The following NEK5 variants were observed in gnomAD, a reference collection of about 807,000 sequenced individuals.
NEK5 encodes the protein serine/threonine-protein kinase Nek5.
Under a neutral mutation model 109.2 loss-of-function variants are expected in NEK5, and 88 were observed. The observed-to-expected ratio is 0.81, with a 90% CI of 0.68 to 0.96. The LOEUF is 0.96. Ranked by LOEUF, NEK5 falls within the 40% of genes least tolerant of loss-of-function variation. NEK5 has a pLI of 0.00. For synonymous variants in NEK5, 283 were observed against 299.9 expected, an observed-to-expected ratio of 0.94 and a Z score of 0.58; for missense variants, 834 against 920.7, an observed-to-expected ratio of 0.91 and a Z score of 1.22.
intron 9 of NEK5, among the ~76,000 whole-genome samples, chr13:52,103,680 T>A (rs763107792): frequency 7.9e-5 from 12 of 152,222 alleles, no homozygotes; most frequent in Non-Finnish European, 1.6e-4. Flanking sequence ...TGGTTTATGC[T>A]GAACACGGGC....
At chr13:52,048,904 G>T (rs1326232275) in intron 23 of NEK5, among the ~76,000 whole-genome samples, 1 of 152,100 alleles carries the variant, frequency 6.6e-6, no homozygotes, top group Non-Finnish European at 1.5e-5. Flanking sequence ...AATTTCAGAA[G>T]ATCTATGGTA....
At chr13:52,100,347 C>T (rs1197814412) in intron 11 of NEK5, among the ~76,000 whole-genome samples, 3 of 152,104 alleles carry the variant, frequency 2.0e-5, no homozygotes, top group African/African-American at 7.2e-5. Context: ...CTGCAACCTT[C>T]ACCTCCCGAG....
At chr13:52,055,134 G>A (rs370186272) in intron 22 of NEK5, among the ~76,000 whole-genome samples, 9 of 152,226 alleles carry the variant, frequency 5.9e-5, no homozygotes, top group Admixed American at 5.9e-4. Context: ...ACCAAGGCTC[G>A]AGAACTACGT....
In NEK5 at chr13:52,127,458, C is replaced by A; in HGVS notation, c.25G>T (p.Ala9Ser). 1 of 1,609,326 alleles carries A rather than the reference C, an allele frequency of 6.2e-7. No individual in the cohort carries two copies. The highest frequency in any genetic ancestry group is 1.7e-4 in the Middle Eastern group (1 of 6,060). Residue 9 changes from alanine (A) to serine (S), a missense_variant, in exon 3 of 24, where the codon GCC becomes TCC. Ala to Ser is a moderately conservative substitution (Grantham distance 99). Coordinates refer to ENST00000684899, the MANE Select transcript of NEK5 (RefSeq NM_001365552.1). MDKYDVIK[A>S]IGQGAFGKAY... ...TTCCCGAAGGCACCTTGCCCGATGG[C>A]CTTAATCACATCGTACTTATCCATG...
chr13:52,054,677 C>T (rs940224173), intron 22 of NEK5, among the ~76,000 whole-genome samples: 56 of 150,372 alleles, frequency 3.7e-4, no homozygotes, highest in African/African-American at 1.4e-3. Context: ...AGGCACCCCC[C>T]AGCAGGGGCA....
chr13:52,040,081 CT>C (rs59617490), intron 23 of NEK5, among the ~76,000 whole-genome samples: 5,303 of 120,312 alleles, frequency 0.044, 106 homozygotes, highest in Admixed American at 0.097. Flanking sequence ...TCTACTGGCA[CT>C]TTTTTTTTTT....
intron 20 of NEK5, among the ~76,000 whole-genome samples, chr13:52,068,843 C>T (rs377148376): frequency 7.2e-5 from 11 of 151,884 alleles, no homozygotes; most frequent in South Asian, 2.1e-4. Context: ...CGTGGTGGCG[C>T]GCACCTATGC....
At chr13:52,109,218 C>T (rs1375998796) in intron 7 of NEK5, among the ~76,000 whole-genome samples, 2 of 152,106 alleles carry the variant, frequency 1.3e-5, no homozygotes, top group Admixed American at 1.3e-4. Context: ...AAGGACATTC[C>T]AAAGTTAACC....
intron 13 of NEK5, among the ~76,000 whole-genome samples, 192 bp from the exon 14 acceptor site, chr13:52,089,505 G>A (rs948432094): frequency 2.0e-5 from 3 of 151,630 alleles, no homozygotes; most frequent in African/African-American, 4.8e-5. Context: ...AAGGAAAAAA[G>A]GATGAAGAGT....
intron 23 of NEK5, among the ~76,000 whole-genome samples, chr13:52,042,968 C>T (rs1378454920): frequency 2.0e-5 from 3 of 151,772 alleles, no homozygotes; most frequent in African/African-American, 7.3e-5. Context: ...ACTAAATTAA[C>T]ATTAAAAGAC....
At chr13:52,062,050 C>G (rs1954618151) in intron 21 of NEK5, 97 bp from the exon 22 acceptor site, 1 of 156,532 alleles carries the variant, frequency 6.4e-6, no homozygotes, top group Non-Finnish European at 1.4e-5. Context: ...CCTAATCCCA[C>G]CTCTCATTTT....
intron 14 of NEK5, among the ~76,000 whole-genome samples, chr13:52,088,699 T>C (rs2137910583): frequency 6.6e-6 from 1 of 152,286 alleles, no homozygotes; most frequent in South Asian, 2.1e-4. Context: ...CTGAATGAAC[T>C]GTCCAAGGTC....
intron 21 of NEK5, among the ~76,000 whole-genome samples, chr13:52,063,506 A>T (rs1481308009): frequency 7.1e-6 from 1 of 140,618 alleles, no homozygotes; most frequent in Non-Finnish European, 1.6e-5. Flanking sequence ...CCGTCTGGGA[A>T]GTGAGGAGCG....
chr13:52,039,850 T>C (rs1023068126), intron 23 of NEK5, among the ~76,000 whole-genome samples: 3 of 152,166 alleles, frequency 2.0e-5, no homozygotes, highest in African/African-American at 7.2e-5. Flanking sequence ...TTTGTGCCCC[T>C]GTTCCCAATT....
At chr13:52,060,418 C>T (rs1954602221) in intron 22 of NEK5, among the ~76,000 whole-genome samples, 1 of 152,096 alleles carries the variant, frequency 6.6e-6, no homozygotes, top group African/African-American at 2.4e-5. Context: ...GCAATGGCGC[C>T]ATCTCGGCTC....
intron 4 of NEK5, among the ~76,000 whole-genome samples, chr13:52,113,142 A>G (rs1276774200): frequency 1.3e-5 from 2 of 152,076 alleles, no homozygotes; most frequent in African/African-American, 4.8e-5. Context: ...ATAGCTATTG[A>G]CCTAAATGTT....
chr13:52,057,419 A>C (rs1954568299), intron 22 of NEK5, among the ~76,000 whole-genome samples: 1 of 151,832 alleles, frequency 6.6e-6, no homozygotes, highest in Non-Finnish European at 1.5e-5. Context: ...ATCAATAGAA[A>C]AAGAGGGAAT....
intron 3 of NEK5, among the ~76,000 whole-genome samples, chr13:52,127,033 C>A (rs1956076502): frequency 2.0e-5 from 3 of 152,106 alleles, no homozygotes; most frequent in African/African-American, 7.2e-5. Context: ...GATCTTATTT[C>A]TTTTCTATTT....
chr13:52,062,783 T>A (rs1271026913), intron 21 of NEK5, among the ~76,000 whole-genome samples: 1 of 152,180 alleles, frequency 6.6e-6, no homozygotes, highest in Non-Finnish European at 1.5e-5. Flanking sequence ...GGAATTTAGG[T>A]AGAAAACATA....
Sources: allele counts gnomAD v4.1 joint callset (sites outside exome capture counted in the v4.1 genomes callset), GRCh38; gene constraint gnomAD v4.1.1; transcripts MANE v1.5; gene names NCBI Gene and HGNC (gene_info 2026-07-23, HGNC 2026-07-21).